The following SYT1 variants were observed in gnomAD, a reference collection of about 807,000 sequenced individuals.
SYT1 encodes synaptotagmin-1.
A neutral mutation model predicts 44.8 loss-of-function variants in SYT1; 8 were observed. The ratio of observed to expected loss-of-function variants is 0.18; its 90% CI spans 0.10 to 0.32. SYT1 has a LOEUF of 0.32. SYT1 is among the 10% of genes least tolerant of loss of function. The pLI, the probability that SYT1 is intolerant of heterozygous loss-of-function variation, is 1.00. For synonymous variants in SYT1, 154 were observed against 188.8 expected (o/e 0.82, Z 1.51); for missense variants, 286 against 509.3 (o/e 0.56, Z 4.22).
chr12:79,054,858 T>A (rs1014163833), intron 3 of SYT1, among the ~76,000 whole-genome samples: 2 of 151,968 alleles, frequency 1.3e-5, no homozygotes, highest in African/African-American at 4.8e-5. Flanking sequence ...TGTTTTTATT[T>A]GTCAAATGAT....
At chr12:79,419,434 A>G in intron 9 of SYT1, 2 of 356,070 alleles carry the variant, frequency 5.6e-6, no homozygotes, top group South Asian at 4.5e-5. Flanking sequence ...AGGTGGGATC[A>G]CACTGGCTAA....
At chr12:79,234,984 C>T (rs1172426429) in intron 4 of SYT1, among the ~76,000 whole-genome samples, 1 of 152,148 alleles carries the variant, frequency 6.6e-6, no homozygotes, top group African/African-American at 2.4e-5. Context: ...GCTGGGATTA[C>T]AGGCGTGAGC....
intron 6 of SYT1, among the ~76,000 whole-genome samples, chr12:79,292,761 G>T (rs1025686933): frequency 6.6e-6 from 1 of 152,018 alleles, no homozygotes. Context: ...TAACAAAACG[G>T]ACATTTTTGC....
chr12:79,307,706 A>C (rs1281250281), intron 8 of SYT1, among the ~76,000 whole-genome samples: 1 of 152,162 alleles, frequency 6.6e-6, no homozygotes, highest in Non-Finnish European at 1.5e-5. Flanking sequence ...CAGATGGGGC[A>C]GTCTTCTGGA....
intron 3 of SYT1, among the ~76,000 whole-genome samples, chr12:79,092,993 A>G (rs551902272): frequency 1.3e-5 from 2 of 151,892 alleles, no homozygotes; most frequent in East Asian, 1.9e-4. Context: ...GAAATTTCAT[A>G]CAATTTTGGA....
chr12:78,928,519 A>G (rs941191409), intron 1 of SYT1, among the ~76,000 whole-genome samples: 6 of 152,044 alleles, frequency 3.9e-5, no homozygotes, highest in Non-Finnish European at 7.4e-5. Flanking sequence ...CCCTTAAAGG[A>G]AGCACTTCCC....
At chr12:78,994,513 T>C (rs1409488497) in intron 2 of SYT1, among the ~76,000 whole-genome samples, 1 of 147,466 alleles carries the variant, frequency 6.8e-6, no homozygotes, top group Non-Finnish European at 1.5e-5. Flanking sequence ...TTTCGCTTGG[T>C]GAGCATCCTT....
At chr12:79,101,528 G>A (rs1223981486) in intron 3 of SYT1, among the ~76,000 whole-genome samples, 2 of 152,162 alleles carry the variant, frequency 1.3e-5, no homozygotes, top group African/African-American at 4.8e-5. Flanking sequence ...TTCTGAAGAT[G>A]GAGAGTGGTG....
At chr12:78,994,856 T>C (rs973003635) in intron 2 of SYT1, among the ~76,000 whole-genome samples, 1 of 152,152 alleles carries the variant, frequency 6.6e-6, no homozygotes. Flanking sequence ...AACGAATGTT[T>C]CCCACCATCA....
intron 3 of SYT1, among the ~76,000 whole-genome samples, chr12:79,155,396 C>T (rs1224273134): frequency 6.6e-6 from 1 of 152,132 alleles, no homozygotes; most frequent in Non-Finnish European, 1.5e-5. Flanking sequence ...CCCTAGGATC[C>T]CAGTGTTAAT....
chr12:79,316,895 T>G (rs1881114227), intron 8 of SYT1, among the ~76,000 whole-genome samples: 1 of 152,202 alleles, frequency 6.6e-6, no homozygotes, highest in South Asian at 2.1e-4. Context: ...ATGGCATGGA[T>G]CAAATGAGCA....
chr12:79,443,355 A>G (rs1273261594), intron 9 of SYT1, among the ~76,000 whole-genome samples: 1 of 152,018 alleles, frequency 6.6e-6, no homozygotes, highest in Non-Finnish European at 1.5e-5. Flanking sequence ...TTTACTACTC[A>G]CCATATCATC....
chr12:79,381,159 G>A (rs1299551735), intron 9 of SYT1, among the ~76,000 whole-genome samples: 1 of 152,102 alleles, frequency 6.6e-6, no homozygotes, highest in South Asian at 2.1e-4. Flanking sequence ...GCAACGAATG[G>A]CCTACTATAT....
At chr12:78,910,661 T>C (rs942674427) in intron 1 of SYT1, among the ~76,000 whole-genome samples, 3 of 151,962 alleles carry the variant, frequency 2.0e-5, no homozygotes, top group Non-Finnish European at 4.4e-5. Flanking sequence ...TCTAGACAAA[T>C]AGAGTAATTA....
intron 4 of SYT1, among the ~76,000 whole-genome samples, chr12:79,246,936 A>G (rs1363756635): frequency 6.6e-6 from 1 of 152,198 alleles, no homozygotes; most frequent in African/African-American, 2.4e-5. Flanking sequence ...ATAAGGGTTC[A>G]GTATAAGGTT....
chr12:79,443,959 A>G, intron 9 of SYT1, 114 bp from the exon 10 acceptor site: 1 of 1,114,902 alleles, frequency 9.0e-7, no homozygotes, highest in Non-Finnish European at 1.2e-6. Flanking sequence ...AAAAAATATT[A>G]AATACATGCT....
At chr12:79,262,711 C>G (rs530149799) in intron 4 of SYT1, among the ~76,000 whole-genome samples, 2 of 152,298 alleles carry the variant, frequency 1.3e-5, no homozygotes, top group East Asian at 3.9e-4. Context: ...CGCTTCTTCT[C>G]CAGGAAATGT....
chr12:79,156,336 G>C (rs187029643), intron 3 of SYT1, among the ~76,000 whole-genome samples: 1 of 152,102 alleles, frequency 6.6e-6, no homozygotes, highest in African/African-American at 2.4e-5. Context: ...TAAATTATCT[G>C]TGTATGTGTG....
intron 1 of SYT1, among the ~76,000 whole-genome samples, chr12:78,922,738 A>G (rs2137168302): frequency 6.6e-6 from 1 of 152,044 alleles, no homozygotes; most frequent in Admixed American, 6.6e-5. Context: ...CTTTAAGGAA[A>G]TTGTTAACTG....
Sources: allele counts gnomAD v4.1 joint callset (sites outside exome capture counted in the v4.1 genomes callset), GRCh38; gene constraint gnomAD v4.1.1; transcripts MANE v1.5; gene names NCBI Gene and HGNC (gene_info 2026-07-23, HGNC 2026-07-21).